Variants in E2F1 observed in about 807,000 individuals in gnomAD.
E2F1 encodes the protein transcription factor E2F1.
A neutral mutation model predicts 36.9 loss-of-function variants in E2F1; 7 were observed. That is an observed-to-expected ratio of 0.19 (90% confidence interval 0.11 to 0.36). E2F1 has a LOEUF of 0.36. E2F1 is among the 10% of genes least tolerant of loss of function. E2F1 has a pLI of 1.00. For synonymous variants in E2F1, 261 were observed against 263.1 expected (o/e 0.99, Z 0.08); for missense variants, 406 against 573.6 (o/e 0.71, Z 2.99).
rs1283683436 is a variant in E2F1, at chr20:33,676,822, G to A, written c.1224C>T (p.Ala408=). The A allele has an allele frequency of 1.3e-6, 2 of 1,596,910 alleles. No individual in the cohort carries two copies. The highest frequency in any genetic ancestry group is 1.1e-5 in the South Asian group (1 of 88,662). The change falls in exon 7 of 7, where the codon GCC becomes GCT. Residue 408 remains alanine (A), a synonymous_variant. Coordinates refer to ENST00000343380, the MANE Select transcript of E2F1 (RefSeq NM_005225.3). ...CCTCGAGGCCGAAGTGGTAGTCGAG[G>A]GCCTCGTGGGGTGGGGAAAGGCTGA... ...EFISLSPPHE[A]LDYHFGLEEG...
At position 33,676,848 on chromosome 20, in the gene E2F1, T is replaced by A. The variant is rs1450772669; in HGVS notation, c.1198A>T (p.Ile400Phe). The A allele has an allele frequency of 2.5e-6, 4 of 1,592,142 alleles. No homozygotes were observed. Among genetic ancestry groups the A allele is most frequent in the South Asian group, 1.1e-5 (1 of 88,204 alleles). Reference sequence around the variant, plus strand: ...GCCTCGTGGGGTGGGGAAAGGCTGATGAACTCCTCAGGGAGGAGGCCGGAG... The same window carrying A: ...GCCTCGTGGGGTGGGGAAAGGCTGAAGAACTCCTCAGGGAGGAGGCCGGAG... ...DFSGLLPEEF[I>F]SLSPPHEALD... is the part of the protein sequence containing the mutation. Residue 400 changes from isoleucine to phenylalanine, a missense_variant, in exon 7 of 7, where the codon ATC becomes TTC. Ile to Phe is a conservative substitution (Grantham distance 21). This residue lies in a region of E2F1 where 163 missense variants were observed against 181.5 expected (regional missense o/e 0.90). Transcript: ENST00000343380.
intron 4 of E2F1, 133 bp downstream of exon 4, chr20:33,678,068 G>C: frequency 9.6e-7 from 1 of 1,037,932 alleles, no homozygotes. Flanking sequence ...TCACAACAGT[G>C]AGAAAATGCT....
At chr20:33,681,942 C>T (rs935134202) in intron 1 of E2F1, among the ~76,000 whole-genome samples, 5 of 152,120 alleles carry the variant, frequency 3.3e-5, no homozygotes, top group Admixed American at 1.3e-4. Context: ...TAGAGGAACC[C>T]GAGTCACGTT....
intron 1 of E2F1, among the ~76,000 whole-genome samples, chr20:33,683,763 C>T (rs2018038841): frequency 6.6e-6 from 1 of 151,794 alleles, no homozygotes. Context: ...CAGAATGAGA[C>T]CCTGTCTCCA....
At position 33,677,101 on chromosome 20, in the gene E2F1, C is replaced by T. The variant is rs369639454; in HGVS notation, c.1066+4G>A. 4.9e-5 allele frequency: 79 copies of T among 1,609,042 alleles called. No homozygotes were observed. In the African/African-American group the frequency reaches 8.9e-4, roughly 18 times the overall value. The stretch of plus-strand genomic sequence containing the variant: ...CCCACCCCACCCACCTACCCATCAC[C>T]CACCTTGCTCCAGGCTGAGTAGAGA... On this transcript the variant is annotated splice_donor_region_variant and intron_variant, in intron 6 of 6. Transcript: ENST00000343380.
intron 1 of E2F1, among the ~76,000 whole-genome samples, chr20:33,683,155 A>C (rs1336834396): frequency 6.6e-6 from 1 of 152,220 alleles, no homozygotes; most frequent in Non-Finnish European, 1.5e-5. Flanking sequence ...TAGTTTCTTA[A>C]GAGTTAAGTT....
chr20:33,678,240 G>C lies in E2F1; in HGVS notation c.686C>G (p.Thr229Arg), dbSNP rs771273717. ...GTCCTCGGAGAGCAGGCGCAGCTGCGTAGTACAGATATTCATCAGGTGGTC... is the reference window on the plus strand; with the variant it reads ...GTCCTCGGAGAGCAGGCGCAGCTGCCTAGTACAGATATTCATCAGGTGGTC... ...QLDHLMNICT[T>R]QLRLLSEDTD... Residue 229 changes from threonine to arginine, a missense_variant, in exon 4 of 7, where the codon ACG becomes AGG. By Grantham distance (71) the Thr-to-Arg change is moderately conservative (BLOSUM62 -1). Transcript: ENST00000343380. 3 of 1,613,816 alleles carry C rather than the reference G, an allele frequency of 1.9e-6. No individual in the cohort carries two copies. Among genetic ancestry groups the C allele is most frequent in the Non-Finnish European group, 2.5e-6 (3 of 1,180,034 alleles).
chr20:33,677,671 T>C (rs2017978025), intron 4 of E2F1, 131 bp from the exon 5 acceptor site: 1 of 637,090 alleles, frequency 1.6e-6, no homozygotes, highest in African/African-American at 1.8e-5. Flanking sequence ...AAAACCTACC[T>C]CACGCCTGAG....
At position 33,677,306 on chromosome 20, in the gene E2F1, T is replaced by G. The variant is rs1254039207; in HGVS notation, c.865A>C (p.Lys289Gln). 2 of 1,613,838 alleles carry G rather than the reference T, an allele frequency of 1.2e-6. No individual in the cohort carries two copies. The highest frequency in any genetic ancestry group is 4.5e-5 in the East Asian group (2 of 44,878). ...AGGAAAACATCGATCGGGCCTTGTT[T>G]GCTCTTAAGGGAGATCTGAAAGTTC... ...SENFQISLKS[K>Q]QGPIDVFLCP... is the part of the protein sequence containing the mutation. The change falls in exon 6 of 7, where the codon AAA becomes CAA. Residue 289 changes from lysine to glutamine, a missense_variant. Coordinates refer to ENST00000343380, the MANE Select transcript of E2F1 (RefSeq NM_005225.3).
rs762296081 is a variant in E2F1 at position 33,677,291 on chromosome 20, C to T, written c.880G>A (p.Asp294Asn). The T allele has an allele frequency of 9.3e-6, 15 of 1,613,956 alleles. No individual in the cohort carries two copies. Among genetic ancestry groups the T allele is most frequent in the African/African-American group, 8.0e-5 (6 of 74,886 alleles). ...GTCTCCTCAGGGCACAGGAAAACAT[C>T]GATCGGGCCTTGTTTGCTCTTAAGG... The part of the protein sequence containing the change: ...ISLKSKQGPI[D>N]VFLCPEETVG... The change falls in exon 6 of 7, where the codon GAT becomes AAT. Residue 294 changes from aspartate (D) to asparagine (N), a missense_variant. Physicochemically the swap from Asp to Asn is conservative, Grantham distance 23. Around this residue, in one of 5 missense-constraint regions of E2F1, gnomAD observed 93 missense variants for 143.3 expected, o/e 0.65. Coordinates refer to ENST00000343380, the MANE Select transcript of E2F1 (RefSeq NM_005225.3).
At position 33,676,696 on chromosome 20, in the gene E2F1, G is replaced by T; in HGVS notation, c.*36C>A. 1 of 1,566,828 alleles carries T rather than the reference G, an allele frequency of 6.4e-7. No homozygotes were observed. Among genetic ancestry groups the T allele is most frequent in the South Asian group, 1.2e-5 (1 of 84,076 alleles). Reference sequence around the variant, plus strand: ...GGCTCCAGGGCTGCAGAGACAAGGTGAGCATCTCTGGAAACCCTGGTCCCT... The same window carrying T: ...GGCTCCAGGGCTGCAGAGACAAGGTTAGCATCTCTGGAAACCCTGGTCCCT... On this transcript the variant is annotated 3_prime_UTR_variant, in exon 7 of 7. Transcript: ENST00000343380.
chr20:33,678,880 G>A (rs1054455487), intron 3 of E2F1, among the ~76,000 whole-genome samples: 4 of 152,184 alleles, frequency 2.6e-5, no homozygotes, highest in South Asian at 2.1e-4. Flanking sequence ...GGTTGAGGCT[G>A]CAGTGAGCTG....
In E2F1 at chr20:33,676,513, G is replaced by C; in HGVS notation, c.*219C>G. 1.7e-6 allele frequency: 1 copy of C among 583,350 alleles called. No homozygotes were observed. The highest frequency in any genetic ancestry group is 2.9e-6 in the Non-Finnish European group (1 of 346,204). The allele number at this position is 583,350 out of a possible 1,614,324, so 36.1% of individuals were successfully genotyped here. A position where few individuals can be genotyped will look rare whatever the true frequency, so the allele number is the denominator to read the frequency against. ...CCCCGGTACACACGTGTGGGTGTAGGCTGCATGCACATACACACCACACAG... is the reference window on the plus strand; with the variant it reads ...CCCCGGTACACACGTGTGGGTGTAGCCTGCATGCACATACACACCACACAG... On this transcript the variant is annotated 3_prime_UTR_variant, in exon 7 of 7. Coordinates refer to ENST00000343380, the MANE Select transcript of E2F1 (RefSeq NM_005225.3).
chr20:33,677,258 C>T lies in E2F1; in HGVS notation c.913G>A (p.Gly305Arg). Reference protein sequence around the residue: ...VFLCPEETVGGISPGKTPSQE... With the variant: ...VFLCPEETVGRISPGKTPSQE... Reference sequence around the variant, plus strand: ...GATGGGGTCTTCCCAGGGCTGATCCCACCTACGGTCTCCTCAGGGCACAGG... The same window carrying T: ...GATGGGGTCTTCCCAGGGCTGATCCTACCTACGGTCTCCTCAGGGCACAGG... Residue 305 changes from glycine to arginine, a missense_variant, in exon 6 of 7, where the codon GGG (glycine) becomes AGG (arginine). Gly to Arg is a moderately radical substitution (Grantham distance 125, BLOSUM62 -2). Coordinates refer to ENST00000343380, the MANE Select transcript of E2F1 (RefSeq NM_005225.3). The T allele has an allele frequency of 3.1e-6, 5 of 1,614,122 alleles. No individual in the cohort carries two copies. Among genetic ancestry groups the T allele is most frequent in the Non-Finnish European group, 4.2e-6 (5 of 1,180,022 alleles).
rs1440970583 is a variant in E2F1, at chr20:33,676,540, C to T, written c.*192G>A. The T allele has an allele frequency of 1.3e-6, 1 of 765,396 alleles. No individual in the cohort carries two copies. The highest frequency in any genetic ancestry group is 2.0e-6 in the Non-Finnish European group (1 of 499,440). 47.4% of individuals were successfully genotyped at this position (765,396 alleles called of 1,614,324 possible). ...TGCATGCACATACACACCACACAGACTCCTTCCCTTCCTGGCTTGCTCAGC... is the reference window on the plus strand; with the variant it reads ...TGCATGCACATACACACCACACAGATTCCTTCCCTTCCTGGCTTGCTCAGC... On this transcript the variant is annotated 3_prime_UTR_variant, in exon 7 of 7. Coordinates refer to ENST00000343380, the MANE Select transcript of E2F1 (RefSeq NM_005225.3).
At chr20:33,682,955 C>T (rs1019351529) in intron 1 of E2F1, among the ~76,000 whole-genome samples, 2 of 152,172 alleles carry the variant, frequency 1.3e-5, no homozygotes, top group Non-Finnish European at 2.9e-5. Context: ...TTATAGAATA[C>T]ATTTCGGGGC....
chr20:33,684,971 C>T (rs933943600), intron 1 of E2F1, among the ~76,000 whole-genome samples: 1 of 152,214 alleles, frequency 6.6e-6, no homozygotes, highest in Non-Finnish European at 1.5e-5. Context: ...TCAAACTGGT[C>T]TCCACACCCT....
chr20:33,682,040 G>A (rs548540143), intron 1 of E2F1, among the ~76,000 whole-genome samples: 3 of 129,374 alleles, frequency 2.3e-5, no homozygotes, highest in Non-Finnish European at 4.7e-5. Flanking sequence ...GAAACCTTAC[G>A]CATCAGCTAG....
chr20:33,678,164 G>A (rs1160978572), intron 4 of E2F1, 37 bp downstream of exon 4: 3 of 1,580,898 alleles, frequency 1.9e-6, no homozygotes, highest in East Asian at 4.5e-5. Context: ...TGCCTGCTAA[G>A]CCTGCCTTCC....
Sources: gnomAD v4.1 joint callset for allele counts (sites outside exome capture counted in the v4.1 genomes callset) on GRCh38, gnomAD v4.1.1 for gene constraint, gnomAD v4.1.1 regional missense constraint, MANE v1.5 for transcripts, NCBI Gene and HGNC (gene_info 2026-07-23, HGNC 2026-07-21) for gene names.